The following OR2M3 variants were observed in gnomAD, a reference collection of about 807,000 sequenced individuals.
The protein encoded by OR2M3 is olfactory receptor family 2 subfamily M member 3, also known as olfactory receptor 2M3.
OR2M3 carries 1 observed loss-of-function variant against 4.3 expected under a neutral mutation model. The ratio of observed to expected loss-of-function variants is 0.23; its 90% confidence interval spans 0.08 to 1.11. The LOEUF (loss-of-function observed/expected upper bound fraction) is 1.11. OR2M3 is among the 50% of genes most tolerant of loss of function. The probability of loss-of-function intolerance (pLI) is 0.54; values close to 1 mark genes in which losing one functional copy is unlikely to be tolerated. For missense variants in OR2M3, 410 were observed against 390.4 expected, an observed-to-expected ratio of 1.05 and a Z score of -0.42; for synonymous variants, 151 against 139.4, an observed-to-expected ratio of 1.08 and a Z score of -0.59.
intron 1 of OR2M3, among the ~76,000 whole-genome samples, chr1:248,202,287 G>A (rs1044358356): frequency 3.1e-5 from 1 of 31,976 alleles, no homozygotes; most frequent in Non-Finnish European, 9.9e-5. Context: ...GTAATCCCCA[G>A]TGTCTCAGTC....
rs988951383 is a variant in OR2M3 at position 248,205,233 on chromosome 1, C to T, written c.*1227C>T. 7.9e-5 allele frequency: 12 copies of T among 152,162 alleles called. 1 individual carries two copies. Among genetic ancestry groups the T allele is most frequent in the East Asian group, 1.9e-4 (1 of 5,184 alleles). 9.4% of individuals were successfully genotyped at this position (152,162 alleles called of 1,614,324 possible). ...TAAATTGTGAAGATTTTCTCCCACT[C>T]TATGGGTTGTCTATTTACTCTGCTG... On this transcript the variant is annotated 3_prime_UTR_variant, in exon 2 of 2. Coordinates refer to ENST00000641626, the MANE Select transcript of OR2M3 (RefSeq NM_001004689.2).
At chr1:248,198,454 A>G (rs182458188) in intron 1 of OR2M3, among the ~76,000 whole-genome samples, 53 of 152,270 alleles carry the variant, frequency 3.5e-4, no homozygotes, top group African/African-American at 1.3e-3. Flanking sequence ...TAAAGTTGCT[A>G]TGCTCATTTT....
rs1335374822 is a variant in OR2M3, at chr1:248,210,982, A to G, written c.*6976A>G. ...AAGCTAGTCCTGCCTCCTATCCACC[A>G]TCTTAATCCTAGTCAGGACATTAAA... On this transcript the variant is annotated 3_prime_UTR_variant, in exon 2 of 2. Coordinates refer to ENST00000641626, the MANE Select transcript of OR2M3 (RefSeq NM_001004689.2). 6.6e-6 allele frequency: 1 copy of G among 152,222 alleles called. No homozygotes were observed. The highest frequency in any genetic ancestry group is 1.5e-5 in the Non-Finnish European group (1 of 68,048). The allele number at this position is 152,222 out of a possible 1,614,324, so 9.4% of individuals were successfully genotyped here.
intron 1 of OR2M3, among the ~76,000 whole-genome samples, chr1:248,202,821 A>G (rs546542072): frequency 1.5e-4 from 23 of 152,176 alleles, no homozygotes; most frequent in Non-Finnish European, 2.4e-4. Flanking sequence ...TAATTTTTCA[A>G]TGGAGAAAGG....
chr1:248,199,657 A>G (rs1666135044), intron 1 of OR2M3, among the ~76,000 whole-genome samples: 1 of 152,112 alleles, frequency 6.6e-6, no homozygotes, highest in African/African-American at 2.4e-5. Context: ...AGTTCTTTTT[A>G]TAGAATTTTA....
rs1182329722 is a variant in OR2M3 at position 248,197,303 on chromosome 1, T to A, written c.-19+2T>A. The A allele has an allele frequency of 6.6e-6, 1 of 152,160 alleles. No homozygotes were observed. Among genetic ancestry groups the A allele is most frequent in the African/African-American group, 2.4e-5 (1 of 41,432 alleles). The allele number at this position is 152,160 out of a possible 1,614,324, so 9.4% of individuals were successfully genotyped here. ...TCACTGAAAATATACACTATTCAGG[T>A]AAGTACTAAGAGGTAAGTTAACCAA... On this transcript the variant is annotated splice_donor_variant, in intron 1 of 1. Coordinates refer to ENST00000641626, the MANE Select transcript of OR2M3 (RefSeq NM_001004689.2). LOFTEE classifies it low-confidence loss of function (5UTR_SPLICE).
rs1302698921 is a variant in OR2M3, at chr1:248,208,409, A to C, written c.*4403A>C. 1 of 152,130 alleles carries C rather than the reference A, an allele frequency of 6.6e-6. No homozygotes were observed. Among genetic ancestry groups the C allele is most frequent in the Non-Finnish European group, 1.5e-5 (1 of 68,002 alleles). The allele number at this position is 152,130 out of a possible 1,614,324, so 9.4% of individuals were successfully genotyped here. ...TTTGTTTTCATTATGTTATTGTTATATAGGTCCTGTAATATTTATGCTTTA... is the reference window on the plus strand; with the variant it reads ...TTTGTTTTCATTATGTTATTGTTATCTAGGTCCTGTAATATTTATGCTTTA... On this transcript the variant is annotated 3_prime_UTR_variant, in exon 2 of 2. Transcript: ENST00000641626.
At chr1:248,202,655 C>T (rs572398998) in intron 1 of OR2M3, among the ~76,000 whole-genome samples, 101 of 152,134 alleles carry the variant, frequency 6.6e-4, no homozygotes, top group Non-Finnish European at 1.3e-3. Flanking sequence ...ATTTATTCTC[C>T]ATTTCTAGTA....
At position 248,203,700 on chromosome 1, in the gene OR2M3, T is replaced by A; in HGVS notation, c.633T>A (p.Val211=). The A allele has an allele frequency of 6.2e-7, 1 of 1,613,124 alleles. No individual in the cohort carries two copies. Among genetic ancestry groups the A allele is most frequent in the Non-Finnish European group, 8.5e-7 (1 of 1,179,818 alleles). The change falls in exon 2 of 2, where the codon GTT becomes GTA. Residue 211 remains valine, a synonymous_variant. Coordinates refer to ENST00000641626, the MANE Select transcript of OR2M3 (RefSeq NM_001004689.2). The part of the protein sequence containing the change: ...ICCIVMIVFP[V]AIIIASYARV... Reference sequence around the variant, plus strand: ...GTATAGTAATGATTGTTTTCCCTGTTGCAATCATCATTGCTTCCTATGCTC... The same window carrying A: ...GTATAGTAATGATTGTTTTCCCTGTAGCAATCATCATTGCTTCCTATGCTC...
chr1:248,203,949 C>T lies in OR2M3; in HGVS notation c.882C>T (p.Asn294=). The T allele has an allele frequency of 6.2e-7, 1 of 1,613,882 alleles. No individual in the cohort carries two copies. The highest frequency in any genetic ancestry group is 8.5e-7 in the Non-Finnish European group (1 of 1,179,914). The change falls in exon 2 of 2, where the codon AAC becomes AAT. Residue 294 remains asparagine, a synonymous_variant. Coordinates refer to ENST00000641626, the MANE Select transcript of OR2M3 (RefSeq NM_001004689.2). ...ATCCCCTCATCTACAGCCTCCGCAA[C>T]AAGGAGGTGACCAGAGCATTCATGA... ...MLNPLIYSLR[N]KEVTRAFMKI... is the part of the protein sequence containing the mutation.
rs1666228317 is a variant in OR2M3 at position 248,206,856 on chromosome 1, T to C, written c.*2850T>C. 1 of 152,080 alleles carries C rather than the reference T, an allele frequency of 6.6e-6. No individual in the cohort carries two copies. Among genetic ancestry groups the C allele is most frequent in the Non-Finnish European group, 1.5e-5 (1 of 67,962 alleles). 9.4% of individuals were successfully genotyped at this position (152,080 alleles called of 1,614,324 possible). A position where few individuals can be genotyped will look rare whatever the true frequency, so the allele number is the denominator to read the frequency against. Reference sequence around the variant, plus strand: ...AATGATTTACAAAGGATTCCCTCTTTATCCTTTGGAATAGTGTCAATAGGA... The same window carrying C: ...AATGATTTACAAAGGATTCCCTCTTCATCCTTTGGAATAGTGTCAATAGGA... On this transcript the variant is annotated 3_prime_UTR_variant, in exon 2 of 2. Transcript: ENST00000641626.
chr1:248,202,347 A>C (rs1281212444), intron 1 of OR2M3, among the ~76,000 whole-genome samples: 3 of 152,248 alleles, frequency 2.0e-5, no homozygotes, highest in East Asian at 1.9e-4. Context: ...TGATTAGAGA[A>C]ACCCACTCTA....
Position 248,206,987 on chromosome 1 carries a change from C to T in OR2M3, c.*2981C>T, listed in dbSNP as rs1008639829. 4.0e-5 allele frequency: 6 copies of T among 151,840 alleles called. No homozygotes were observed. Among genetic ancestry groups the T allele is most frequent in the Admixed American group, 2.0e-4 (3 of 15,230 alleles). The allele number at this position is 151,840 out of a possible 1,614,324, so 9.4% of individuals were successfully genotyped here. A position where few individuals can be genotyped will look rare whatever the true frequency, so the allele number is the denominator to read the frequency against. On this transcript the variant is annotated 3_prime_UTR_variant, in exon 2 of 2. Coordinates refer to ENST00000641626, the MANE Select transcript of OR2M3 (RefSeq NM_001004689.2). ...TTTCATTACAATTTCAGTCATGCTG[C>T]TTGTTACTGGTCTGATCAGAGATTC...
In OR2M3 at chr1:248,211,312, G is replaced by A. The variant is rs942836052; in HGVS notation, c.*7306G>A. ...GATCCCAGATCCAAATTTCTTTCAA[G>A]TTGTTAAAATTCATCTAAGCTTCAC... On this transcript the variant is annotated 3_prime_UTR_variant, in exon 2 of 2. Coordinates refer to ENST00000641626, the MANE Select transcript of OR2M3 (RefSeq NM_001004689.2). 2 of 151,948 alleles carry A rather than the reference G, an allele frequency of 1.3e-5. No individual in the cohort carries two copies. The highest frequency in any genetic ancestry group is 4.8e-5 in the African/African-American group (2 of 41,370). The allele number at this position is 151,948 out of a possible 1,614,324, so 9.4% of individuals were successfully genotyped here.
intron 1 of OR2M3, among the ~76,000 whole-genome samples, chr1:248,200,939 C>T (rs1481164947): frequency 6.6e-6 from 1 of 152,048 alleles, no homozygotes; most frequent in African/African-American, 2.4e-5. Context: ...GATTATTCAG[C>T]TTTCATTGTT....
At chr1:248,201,158 G>A (rs988275074) in intron 1 of OR2M3, among the ~76,000 whole-genome samples, 17 of 152,010 alleles carry the variant, frequency 1.1e-4, no homozygotes, top group Non-Finnish European at 1.9e-4. Context: ...CAACATACGA[G>A]AAACATAATT....
Position 248,203,846 on chromosome 1 carries a change from T to C in OR2M3, c.779T>C (p.Ile260Thr), listed in dbSNP as rs371536260. 3.1e-6 allele frequency: 5 copies of C among 1,613,590 alleles called. No homozygotes were observed. The African/African-American group carries it at 6.7e-5, about 22-fold the overall frequency. Residue 260 changes from isoleucine to threonine, a missense_variant, in exon 2 of 2, where the codon ATA becomes ACA. By Grantham distance (89) the Ile-to-Thr change is moderately conservative. Coordinates refer to ENST00000641626, the MANE Select transcript of OR2M3 (RefSeq NM_001004689.2). Reference sequence around the variant, plus strand: ...TATGGAGCAGCTTTGTTCATGTACATACGGCCCACATCTGATCGCTCCCCA... The same window carrying C: ...TATGGAGCAGCTTTGTTCATGTACACACGGCCCACATCTGATCGCTCCCCA... ...MYYGAALFMY[I>T]RPTSDRSPTQ...
chr1:248,203,469 T>A lies in OR2M3; in HGVS notation c.402T>A (p.Asn134Lys), dbSNP rs1159030457. 2 of 1,613,912 alleles carry A rather than the reference T, an allele frequency of 1.2e-6. No homozygotes were observed. Among genetic ancestry groups the A allele is most frequent in the Non-Finnish European group, 8.5e-7 (1 of 1,179,894 alleles). The change falls in exon 2 of 2, where the codon AAT (asparagine) becomes AAA (lysine). Residue 134 changes from asparagine to lysine, a missense_variant. Coordinates refer to ENST00000641626, the MANE Select transcript of OR2M3 (RefSeq NM_001004689.2). The stretch of plus-strand genomic sequence containing the variant: ...TTTGCCACCCTCTAAGATACACCAA[T>A]CTCATGAGCCCTAAAATTTGTGGAC... ...TAICHPLRYT[N>K]LMSPKICGLM...
At chr1:248,197,400 T>C (rs1404926941) in intron 1 of OR2M3, 99 bp downstream of exon 1, 1 of 152,172 alleles carries the variant, frequency 6.6e-6, no homozygotes, top group East Asian at 1.9e-4. Context: ...TCTCATTTCT[T>C]AAGTCATTTT....
Sources: gnomAD v4.1 joint callset for allele counts (sites outside exome capture counted in the v4.1 genomes callset) on GRCh38, gnomAD v4.1.1 for gene constraint, MANE v1.5 for transcripts, NCBI Gene and HGNC (gene_info 2026-07-23, HGNC 2026-07-21) for gene names.